Variants in PRICKLE1 observed in about 807,000 individuals in gnomAD.
PRICKLE1 encodes prickle-like protein 1.
In PRICKLE1, 14 loss-of-function variants were observed where a neutral mutation model predicts 70.2. The observed-to-expected ratio is 0.20, with a 90% CI of 0.13 to 0.31. The LOEUF (loss-of-function observed/expected upper bound fraction) is 0.31. Ranked by LOEUF, PRICKLE1 falls within the 10% of genes least tolerant of loss-of-function variation. The pLI is 1.00. For missense variants in PRICKLE1, 821 were observed against 1,026.2 expected, an observed-to-expected ratio of 0.80 and a Z score of 2.73; for synonymous variants, 357 against 379.9, an observed-to-expected ratio of 0.94 and a Z score of 0.70.
chr12:42,460,722 C>A (rs1937796690), intron 7 of PRICKLE1, 57 bp from the exon 8 acceptor site: 1 of 1,579,694 alleles, frequency 6.3e-7, no homozygotes, highest in Non-Finnish European at 8.6e-7. Flanking sequence ...TTCGACAGTA[C>A]TTAAAAGTAA....
intron 1 of PRICKLE1, among the ~76,000 whole-genome samples, chr12:42,580,681 C>T (rs1012724009): frequency 5.3e-5 from 8 of 152,106 alleles, no homozygotes; most frequent in Non-Finnish European, 7.3e-5. Flanking sequence ...TTCTACTATG[C>T]GCCAGGCACT....
At chr12:42,494,079 T>C (rs1386224779) in intron 1 of PRICKLE1, among the ~76,000 whole-genome samples, 1 of 152,156 alleles carries the variant, frequency 6.6e-6, no homozygotes, top group Non-Finnish European at 1.5e-5. Flanking sequence ...AAAAAAACAA[T>C]GTACATACCT....
In PRICKLE1 at chr12:42,459,996, G is replaced by C; in HGVS notation, c.2309C>G (p.Ser770Cys). 1 of 1,614,114 alleles carries C rather than the reference G, an allele frequency of 6.2e-7. No individual in the cohort carries two copies. Among genetic ancestry groups the C allele is most frequent in the Non-Finnish European group, 8.5e-7 (1 of 1,180,024 alleles). ...DSWCSSSSSS[S>C]DSEEEGYFLG... ...AAAATATCCTTCTTCTTCCGAGTCG[G>C]AAGAGGAGGAGGAGGAAGAACACCA... Residue 770 changes from serine to cysteine, a missense_variant, in exon 8 of 8, where the codon TCC (serine) becomes TGC (cysteine). Transcript: ENST00000345127.
At position 42,571,318 on chromosome 12, in the gene PRICKLE1, T is replaced by C. The variant is rs1474847562; in HGVS notation, c.-49+18147A>G. Among the ~76,000 whole-genome samples the C allele has an allele frequency of 2.6e-5, 4 of 152,288 alleles. No homozygotes were observed. In the South Asian group the frequency reaches 6.2e-4, roughly 24 times the overall value. On this transcript the variant is annotated intron_variant, in intron 1 of 7. Coordinates refer to ENST00000345127, the MANE Select transcript of PRICKLE1 (RefSeq NM_153026.3). ...GTTTCAGAGTAAAAAAAAAGATCAG[T>C]AAACTGGTTTTATGAAGAGGTATTA... is the stretch of plus-strand genomic sequence containing the variant.
At position 42,459,754 on chromosome 12, in the gene PRICKLE1, C is replaced by T. The variant is rs560130870; in HGVS notation, c.*55G>A. 3.8e-5 allele frequency: 61 copies of T among 1,605,390 alleles called. No homozygotes were observed. The South Asian group carries it at 5.2e-4, about 14-fold the overall frequency. The stretch of plus-strand genomic sequence containing the variant: ...AACTTTCCTACGGAAGAAAAGGAAA[C>T]GATTCAGACGGTTAATGGCTAAGTT... On this transcript the variant is annotated 3_prime_UTR_variant, in exon 8 of 8. Transcript: ENST00000345127.
chr12:42,542,835 C>A (rs1202208648), intron 1 of PRICKLE1, among the ~76,000 whole-genome samples: 1 of 152,154 alleles, frequency 6.6e-6, no homozygotes, highest in Non-Finnish European at 1.5e-5. Flanking sequence ...ATTCTGCTAG[C>A]CCCTTGCTAT....
chr12:42,468,876 A>AGGATTCTC (rs767647674), intron 4 of PRICKLE1, 47 bp from the exon 5 acceptor site: 360 of 1,553,648 alleles, frequency 2.3e-4, no homozygotes, highest in Non-Finnish European at 3.0e-4. Flanking sequence ...TTTTAAAGAC[A>AGGATTCTC]GGATTCTCAG....
At chr12:42,532,230 TC>T (rs1939931199) in intron 1 of PRICKLE1, among the ~76,000 whole-genome samples, 1 of 152,184 alleles carries the variant, frequency 6.6e-6, no homozygotes, top group Non-Finnish European at 1.5e-5. Flanking sequence ...TAACAGTAAA[TC>T]CTAAGGAAAC....
intron 1 of PRICKLE1, among the ~76,000 whole-genome samples, chr12:42,502,316 C>CT (rs151063516): frequency 0.42 from 55,146 of 129,884 alleles, 11,271 homozygotes; most frequent in East Asian, 0.6. Context: ...CTTTTCTTTT[C>CT]TTTTTTTTTG....
intron 1 of PRICKLE1, among the ~76,000 whole-genome samples, chr12:42,515,240 AT>A (rs11360372): frequency 0.38 from 53,226 of 138,452 alleles, 10,000 homozygotes; most frequent in East Asian, 0.58. Flanking sequence ...GGCATTATCT[AT>A]TTTTTTTTTT....
At chr12:42,546,024 T>C (rs534479855) in intron 1 of PRICKLE1, among the ~76,000 whole-genome samples, 1 of 151,928 alleles carries the variant, frequency 6.6e-6, no homozygotes, top group African/African-American at 2.4e-5. Flanking sequence ...AGAATTTAGA[T>C]GTAAAAAAGC....
At chr12:42,516,322 C>T (rs980114155) in intron 1 of PRICKLE1, among the ~76,000 whole-genome samples, 14 of 151,934 alleles carry the variant, frequency 9.2e-5, no homozygotes, top group African/African-American at 3.1e-4. Flanking sequence ...TTAGTAGAGA[C>T]GGGGTTCAAT....
At chr12:42,554,086 A>G (rs924348876) in intron 1 of PRICKLE1, among the ~76,000 whole-genome samples, 7 of 152,130 alleles carry the variant, frequency 4.6e-5, no homozygotes, top group Non-Finnish European at 7.4e-5. Flanking sequence ...CCTGGGCGAC[A>G]AGAGTGAGAC....
intron 1 of PRICKLE1, among the ~76,000 whole-genome samples, chr12:42,518,857 C>T (rs769941101): frequency 2.6e-5 from 4 of 152,124 alleles, no homozygotes; most frequent in Non-Finnish European, 4.4e-5. Flanking sequence ...CTGCAAATTA[C>T]ACTTATTAAT....
chr12:42,472,587 C>A, intron 1 of PRICKLE1, 23 bp from the exon 2 acceptor site: 2 of 1,594,772 alleles, frequency 1.3e-6, no homozygotes, highest in South Asian at 2.2e-5. Context: ...TAAGAAAAAA[C>A]AAAGACATCT....
At chr12:42,521,260 A>C (rs2120474070) in intron 1 of PRICKLE1, among the ~76,000 whole-genome samples, 1 of 152,314 alleles carries the variant, frequency 6.6e-6, no homozygotes, top group East Asian at 1.9e-4. Context: ...TATTGATTAT[A>C]TAATTGAAAG....
At chr12:42,544,222 A>T (rs950707487) in intron 1 of PRICKLE1, among the ~76,000 whole-genome samples, 1 of 152,224 alleles carries the variant, frequency 6.6e-6, no homozygotes, top group African/African-American at 2.4e-5. Flanking sequence ...TTACAAATTT[A>T]CGAGTGATCA....
chr12:42,539,750 GT>G (rs1314034556), intron 1 of PRICKLE1, among the ~76,000 whole-genome samples: 1 of 152,268 alleles, frequency 6.6e-6, no homozygotes, highest in Non-Finnish European at 1.5e-5. Context: ...TATGCATTAA[GT>G]TTTTTTAAAG....
At chr12:42,581,241 G>C (rs1049307699) in intron 1 of PRICKLE1, among the ~76,000 whole-genome samples, 2 of 152,062 alleles carry the variant, frequency 1.3e-5, no homozygotes, top group African/African-American at 4.8e-5. Context: ...TTTTATATAT[G>C]AAGAAACTGA....
Sources: gnomAD v4.1 joint callset for allele counts (sites outside exome capture counted in the v4.1 genomes callset) on GRCh38, gnomAD v4.1.1 for gene constraint, MANE v1.5 for transcripts, NCBI Gene and HGNC (gene_info 2026-07-23, HGNC 2026-07-21) for gene names.